The following RHOA variants were observed in gnomAD, a reference collection of about 807,000 sequenced individuals.
RHOA encodes the protein ras homolog family member A.
RHOA carries 3 observed loss-of-function variants against 17.5 expected under a neutral mutation model. The observed-to-expected ratio is 0.17, with a 90% CI of 0.08 to 0.44. The LOEUF (loss-of-function observed/expected upper bound fraction) is 0.44, where lower values mean the gene tolerates loss of function less well. RHOA is among the 20% of genes least tolerant of loss of function. RHOA has a pLI of 0.99. For synonymous variants in RHOA, 98 were observed against 88.4 expected, an observed-to-expected ratio of 1.11 and a Z score of -0.61; for missense variants, 56 against 242.3, an observed-to-expected ratio of 0.23 and a Z score of 5.10.
At chr3:49,388,144 C>CT in intron 1 of RHOA, among the ~76,000 whole-genome samples, 1 of 151,872 alleles carries the variant, frequency 6.6e-6, no homozygotes, top group East Asian at 1.9e-4. Context: ...GTAGCTGGGA[C>CT]TATAGGTGTG....
chr3:49,380,534 A>G (rs2048298718), intron 1 of RHOA, among the ~76,000 whole-genome samples: 2 of 151,848 alleles, frequency 1.3e-5, no homozygotes, highest in Admixed American at 6.6e-5. Flanking sequence ...ATGAAACCCC[A>G]TCTCTATTAA....
intron 1 of RHOA, among the ~76,000 whole-genome samples, chr3:49,393,927 G>A (rs1201976980): frequency 2.0e-5 from 3 of 149,844 alleles, no homozygotes; most frequent in Non-Finnish European, 4.4e-5. Context: ...CTGGAGTGCT[G>A]TGGCATGATC....
chr3:49,360,016 G>A lies in RHOA; in HGVS notation c.*193C>T, dbSNP rs2047935319. On this transcript the variant is annotated 3_prime_UTR_variant, in exon 5 of 5. Coordinates refer to ENST00000418115, the MANE Select transcript of RHOA (RefSeq NM_001664.4). The stretch of plus-strand genomic sequence containing the variant: ...AGGGCTGTTAGAGCAGTGTCAAAAG[G>A]ACCCTGGTGGGCCAGACGGGTTGGA... The A allele has an allele frequency of 1.0e-5, 6 of 583,066 alleles. No individual in the cohort carries two copies. Among genetic ancestry groups the A allele is most frequent in the Non-Finnish European group, 1.4e-5 (5 of 347,256 alleles). 36.1% of individuals were successfully genotyped at this position (583,066 alleles called of 1,614,324 possible). A position where few individuals can be genotyped will look rare whatever the true frequency, so the allele number is the denominator to read the frequency against.
intron 1 of RHOA, among the ~76,000 whole-genome samples, chr3:49,395,093 C>CA (rs71627385): frequency 0.3 from 44,296 of 149,002 alleles, 6,963 homozygotes; most frequent in Middle Eastern, 0.33. Context: ...ACTAAAAATA[C>CA]AAAAAAAAAC....
chr3:49,375,382 T>C (rs2048210181), intron 2 of RHOA, 52 bp downstream of exon 2: 3 of 1,550,694 alleles, frequency 1.9e-6, no homozygotes, highest in South Asian at 1.2e-5. Flanking sequence ...ACATGCTCCA[T>C]AAATATTCTA....
chr3:49,390,913 T>C (rs1375043823), intron 1 of RHOA, among the ~76,000 whole-genome samples: 2 of 151,620 alleles, frequency 1.3e-5, no homozygotes, highest in African/African-American at 2.4e-5. Flanking sequence ...TGAAACCCCG[T>C]CTCTACTAAA....
At chr3:49,365,998 A>G (rs902135920) in intron 3 of RHOA, among the ~76,000 whole-genome samples, 2 of 152,174 alleles carry the variant, frequency 1.3e-5, no homozygotes, top group Non-Finnish European at 2.9e-5. Context: ...TCGAGGCAGC[A>G]GTAAACTGAA....
At chr3:49,403,419 A>G (rs2107904611) in intron 1 of RHOA, among the ~76,000 whole-genome samples, 1 of 152,306 alleles carries the variant, frequency 6.6e-6, no homozygotes, top group African/African-American at 2.4e-5. Context: ...ACATTCATCA[A>G]AATTTATCAA....
At chr3:49,384,570 TATC>T in intron 1 of RHOA, among the ~76,000 whole-genome samples, 1 of 152,102 alleles carries the variant, frequency 6.6e-6, no homozygotes, top group East Asian at 1.9e-4. Context: ...GAGGTGGTGT[TATC>T]ATGGCTTACC....
intron 3 of RHOA, among the ~76,000 whole-genome samples, chr3:49,364,702 G>A (rs1307286636): frequency 6.6e-6 from 1 of 152,022 alleles, no homozygotes; most frequent in Non-Finnish European, 1.5e-5. Flanking sequence ...AAATAGACCA[G>A]GTGCAGTGGC....
At chr3:49,395,797 A>G (rs977921477) in intron 1 of RHOA, among the ~76,000 whole-genome samples, 1 of 152,148 alleles carries the variant, frequency 6.6e-6, no homozygotes, top group Non-Finnish European at 1.5e-5. Flanking sequence ...TGAGAAAACT[A>G]TGGCAAGGGT....
Position 49,368,447 on chromosome 3 carries a change from G to A in RHOA, c.258C>T (p.Ile86=), listed in dbSNP as rs746177341. ...ACTCACCTAAACTATCAGGGCTGTC[G>A]ATGGAAAAACACATCAGTATAACAT... ...DTDVILMCFS[I]DSPDSLENIP... The change falls in exon 3 of 5, where the codon ATC becomes ATT. Residue 86 remains isoleucine, a synonymous_variant. Transcript: ENST00000418115. 1.3e-5 allele frequency: 21 copies of A among 1,613,788 alleles called. 1 individual carries two copies. The African/African-American group carries it at 1.5e-4, about 11-fold the overall frequency.
At chr3:49,393,595 CTTTTTTTTTTTT>C (rs34715210) in intron 1 of RHOA, among the ~76,000 whole-genome samples, 1 of 97,960 alleles carries the variant, frequency 1.0e-5, no homozygotes, top group African/African-American at 3.9e-5. Flanking sequence ...ACTGCACTGG[CTTTTTTTTTTTT>C]TTTTTTTTTT....
intron 1 of RHOA, among the ~76,000 whole-genome samples, chr3:49,377,038 G>C (rs2048239004): frequency 6.6e-6 from 1 of 152,166 alleles, no homozygotes; most frequent in African/African-American, 2.4e-5. Flanking sequence ...AGAGGCAGGA[G>C]AATCGCTTGA....
chr3:49,403,719 A>T (rs1215888550), intron 1 of RHOA, among the ~76,000 whole-genome samples: 1 of 152,104 alleles, frequency 6.6e-6, no homozygotes. Context: ...ACAAGGCCCT[A>T]TGTCTAAAAA....
At chr3:49,404,239 G>A (rs1220407395) in intron 1 of RHOA, among the ~76,000 whole-genome samples, 1 of 149,952 alleles carries the variant, frequency 6.7e-6, no homozygotes, top group Non-Finnish European at 1.5e-5. Flanking sequence ...AAAGTTGGAG[G>A]CCACCATGAG....
At position 49,360,035 on chromosome 3, in the gene RHOA, G is replaced by T. The variant is rs1478111758; in HGVS notation, c.*174C>A. 7.0e-6 allele frequency: 5 copies of T among 712,552 alleles called. No individual in the cohort carries two copies. Among genetic ancestry groups the T allele is most frequent in the Non-Finnish European group, 1.1e-5 (5 of 456,730 alleles). The allele number at this position is 712,552 out of a possible 1,614,324, so 44.1% of individuals were successfully genotyped here. ...CAAAAGGACCCTGGTGGGCCAGACG[G>T]GTTGGACATCGTTAATAATCATAGT... On this transcript the variant is annotated 3_prime_UTR_variant, in exon 5 of 5. Transcript: ENST00000418115.
At chr3:49,386,920 C>T (rs2048404888) in intron 1 of RHOA, among the ~76,000 whole-genome samples, 1 of 148,616 alleles carries the variant, frequency 6.7e-6, no homozygotes. Context: ...CGAGACCAGT[C>T]TGGCCAACAT....
At chr3:49,394,753 G>A (rs1231443519) in intron 1 of RHOA, among the ~76,000 whole-genome samples, 1 of 152,170 alleles carries the variant, frequency 6.6e-6, no homozygotes, top group Non-Finnish European at 1.5e-5. Flanking sequence ...ATTAAGTGCT[G>A]TAACAAAAGC....
Sources: gnomAD v4.1 joint callset for allele counts (sites outside exome capture counted in the v4.1 genomes callset) on GRCh38, gnomAD v4.1.1 for gene constraint, MANE v1.5 for transcripts, NCBI Gene and HGNC (gene_info 2026-07-23, HGNC 2026-07-21) for gene names.